CASD1: variants seen among roughly 807,000 people sequenced by gnomAD.
CASD1 encodes N-acetylneuraminate (7)9-O-acetyltransferase.
Under a neutral mutation model 100.0 loss-of-function variants are expected in CASD1, and 41 were observed. The ratio of observed to expected loss-of-function variants is 0.41; its 90% CI spans 0.32 to 0.53. CASD1 has a LOEUF of 0.53. Among genes scored for constraint, CASD1 ranks in the 20% least tolerant of loss-of-function variants. CASD1 has a pLI of 0.25. For synonymous variants in CASD1, 321 were observed against 315.6 expected (o/e 1.02, Z -0.18); for missense variants, 774 against 948.7 (o/e 0.82, Z 2.42).
chr7:94,545,027 T>C (rs1795607832), intron 11 of CASD1, among the ~76,000 whole-genome samples: 1 of 152,116 alleles, frequency 6.6e-6, no homozygotes, highest in African/African-American at 2.4e-5. Flanking sequence ...AGTAAAAATC[T>C]GCTGAAATTC....
chr7:94,544,895 T>C (rs763936363), intron 11 of CASD1, among the ~76,000 whole-genome samples: 1 of 152,124 alleles, frequency 6.6e-6, no homozygotes, highest in African/African-American at 2.4e-5. Flanking sequence ...TTTCTAAACA[T>C]TATTTCATTT....
chr7:94,545,851 C>T (rs568834104), intron 12 of CASD1, 150 bp downstream of exon 12: 17 of 506,122 alleles, frequency 3.4e-5, no homozygotes, highest in East Asian at 9.2e-5. Flanking sequence ...TGTTCTTAAA[C>T]GATATTTCTA....
chr7:94,549,596 G>A lies in CASD1; in HGVS notation c.1777G>A (p.Val593Ile). 1 of 1,610,674 alleles carries A rather than the reference G, an allele frequency of 6.2e-7. No individual in the cohort carries two copies. Among genetic ancestry groups the A allele is most frequent in the Non-Finnish European group, 8.5e-7 (1 of 1,178,116 alleles). Residue 593 changes from valine to isoleucine, a missense_variant, in exon 14 of 18, where the codon GTA becomes ATA. By Grantham distance (29) the Val-to-Ile change is conservative. Around this residue, in one of 5 missense-constraint regions of CASD1, gnomAD observed 453 missense variants for 532.6 expected, o/e 0.85. Transcript: ENST00000297273. ...LSKCFELKGN[V>I]YEWWFRWRLD... ...CAAGTGTTTTGAACTGAAAGGGAATGTATATGAATGGTGGTTCAGATGGAG... is the reference window on the plus strand; with the variant it reads ...CAAGTGTTTTGAACTGAAAGGGAATATATATGAATGGTGGTTCAGATGGAG...
At chr7:94,585,606 G>C in the CASD1 span, 3 of 837,390 alleles carry the variant, frequency 3.6e-6, no homozygotes, top group East Asian at 7.3e-5. Context: ...CAAGGAGAAA[G>C]TTTCCATCTT....
At chr7:94,596,039 A>C in the CASD1 span, among the ~76,000 whole-genome samples, 2 of 152,134 alleles carry the variant, frequency 1.3e-5, no homozygotes, top group Non-Finnish European at 2.9e-5. Flanking sequence ...GAGCTTTTCC[A>C]TTAGCAGAAA....
chr7:94,623,187 C>G, the CASD1 span: 2 of 577,150 alleles, frequency 3.5e-6, no homozygotes, highest in Non-Finnish European at 3.0e-6. Flanking sequence ...GCTTAGTTTT[C>G]TTTTCTATAT....
At chr7:94,587,792 A>G in the CASD1 span, 2 of 1,548,504 alleles carry the variant, frequency 1.3e-6, no homozygotes, top group Non-Finnish European at 1.7e-6. Flanking sequence ...AATCTTTGAA[A>G]AGTTGTCAAA....
the CASD1 span, chr7:94,599,260 T>C: frequency 3.3e-6 from 1 of 305,434 alleles, no homozygotes; most frequent in Non-Finnish European, 6.0e-6. Context: ...TTATTTTCTA[T>C]GATTTAAGAT....
At chr7:94,570,538 AGGCT>A in the CASD1 span, among the ~76,000 whole-genome samples, 26 of 152,254 alleles carry the variant, frequency 1.7e-4, no homozygotes, top group Admixed American at 1.7e-3. Flanking sequence ...TCTGTCACCC[AGGCT>A]GGAGTGCAGT....
At chr7:94,610,588 T>C in the CASD1 span, among the ~76,000 whole-genome samples, 1 of 152,142 alleles carries the variant, frequency 6.6e-6, no homozygotes, top group African/African-American at 2.4e-5. Context: ...AATATGACCT[T>C]GGATTAGGCA....
At chr7:94,602,395 G>A in the CASD1 span, among the ~76,000 whole-genome samples, 1 of 152,116 alleles carries the variant, frequency 6.6e-6, no homozygotes, top group Non-Finnish European at 1.5e-5. Context: ...TGAGTAATAT[G>A]TTCTCCAGGA....
intron 5 of CASD1, among the ~76,000 whole-genome samples, chr7:94,531,119 C>G (rs1050336638): frequency 7.2e-5 from 11 of 152,034 alleles, no homozygotes; most frequent in Non-Finnish European, 4.4e-5. Flanking sequence ...CTGTTGGTTA[C>G]AGGTGTAAGA....
At chr7:94,592,501 T>C in the CASD1 span, among the ~76,000 whole-genome samples, 2 of 152,202 alleles carry the variant, frequency 1.3e-5, no homozygotes, top group Non-Finnish European at 2.9e-5. Context: ...CTGCATTATG[T>C]AGAAATTTAA....
At chr7:94,625,677 T>C in the CASD1 span, 2 of 152,256 alleles carry the variant, frequency 1.3e-5, no homozygotes, top group South Asian at 4.1e-4. Flanking sequence ...TTTTTTTAAT[T>C]GAACATTGTG....
At chr7:94,613,035 C>G in the CASD1 span, among the ~76,000 whole-genome samples, 2 of 152,236 alleles carry the variant, frequency 1.3e-5, no homozygotes, top group Non-Finnish European at 2.9e-5. Context: ...CTTAATGGTG[C>G]TCCTTGAACC....
chr7:94,599,016 A>C, the CASD1 span: 1 of 1,312,286 alleles, frequency 7.6e-7, no homozygotes, highest in Non-Finnish European at 1.1e-6. Context: ...TATTAGCCTG[A>C]TGGGTCATCA....
the CASD1 span, among the ~76,000 whole-genome samples, chr7:94,577,281 G>C: frequency 6.6e-6 from 1 of 152,142 alleles, no homozygotes; most frequent in East Asian, 1.9e-4. Flanking sequence ...CTGGAAATCA[G>C]ATTATCCTCC....
chr7:94,573,260 G>C, the CASD1 span, among the ~76,000 whole-genome samples: 11 of 152,300 alleles, frequency 7.2e-5, 1 homozygote, highest in East Asian at 2.1e-3. Context: ...CTAGTTCTGT[G>C]AAGAGTGTCA....
the CASD1 span, chr7:94,599,881 G>A: frequency 1.5e-6 from 1 of 657,670 alleles, no homozygotes; most frequent in Non-Finnish European, 2.8e-6. Flanking sequence ...GACATTGCTT[G>A]GATGAGTACA....
Sources: gnomAD v4.1 joint callset for allele counts (sites outside exome capture counted in the v4.1 genomes callset) on GRCh38, gnomAD v4.1.1 for gene constraint, gnomAD v4.1.1 regional missense constraint, MANE v1.5 for transcripts, NCBI Gene and HGNC (gene_info 2026-07-23, HGNC 2026-07-21) for gene names.